TM9SF3: variants seen among roughly 807,000 people sequenced by gnomAD.
TM9SF3 encodes transmembrane 9 superfamily member 3, also known as SM-11044-binding protein.
TM9SF3 carries 14 observed loss-of-function variants against 78.6 expected under a neutral mutation model. The ratio of observed to expected loss-of-function variants is 0.18; its 90% CI spans 0.12 to 0.28. TM9SF3 has a LOEUF of 0.28. Ranked by LOEUF, TM9SF3 falls within the 10% of genes least tolerant of loss-of-function variation. The pLI is 1.00. For synonymous variants in TM9SF3, 231 were observed against 241.7 expected (o/e 0.96, Z 0.41); for missense variants, 496 against 721.9 (o/e 0.69, Z 3.59).
Position 96,569,474 on chromosome 10 carries a change from G to C in TM9SF3, c.299-4048C>G, listed in dbSNP as rs367851858. 2.0e-4 allele frequency among the ~76,000 whole-genome samples: 30 copies of C among 152,290 alleles called. No individual in the cohort carries two copies. The South Asian group carries it at 4.6e-3, about 23-fold the overall frequency. ...AACTGGAAAAACTGATATATTCACA[G>C]TTAATTAAATAACTATATAAAGAGT... On this transcript the variant is annotated intron_variant, in intron 2 of 14. Coordinates refer to ENST00000371142, the MANE Select transcript of TM9SF3 (RefSeq NM_020123.4).
intron 11 of TM9SF3, 57 bp from the exon 12 acceptor site, chr10:96,528,234 G>T: frequency 6.7e-7 from 1 of 1,488,418 alleles, no homozygotes; most frequent in South Asian, 1.4e-5. Flanking sequence ...AGCTCACTCT[G>T]CTCTTCGTGA....
rs1017950674 is a variant in TM9SF3, at chr10:96,586,791, C to CGCG, written c.42_44dup (p.Ala15dup). ...GCAGCAGCAGCAGCAGCAGCCACAG[C>CGCG]GCGGCGGCCGCCGCCACGCCAAGAG... is the stretch of plus-strand genomic sequence containing the variant. On this transcript the variant is annotated inframe_insertion, in exon 1 of 15. Coordinates refer to ENST00000371142, the MANE Select transcript of TM9SF3 (RefSeq NM_020123.4). 2.6e-5 allele frequency: 33 copies of CGCG among 1,281,510 alleles called. No homozygotes were observed. The highest frequency in any genetic ancestry group is 3.3e-5 in the Non-Finnish European group (33 of 1,012,088). The allele number at this position is 1,281,510 out of a possible 1,614,324, so 79.4% of individuals were successfully genotyped here.
rs1847740323 is a variant in TM9SF3, at chr10:96,519,685, C to T, written c.*2578G>A. 1 of 151,872 alleles carries T rather than the reference C, an allele frequency of 6.6e-6. No homozygotes were observed. Among genetic ancestry groups the T allele is most frequent in the African/African-American group, 2.4e-5 (1 of 41,392 alleles). The allele number at this position is 151,872 out of a possible 1,614,324, so 9.4% of individuals were successfully genotyped here. A position where few individuals can be genotyped will look rare whatever the true frequency, so the allele number is the denominator to read the frequency against. ...CATTAGTGGGGGTATAAAAACCTCA[C>T]CTTTCAATTAACTTGAATAATGTTC... On this transcript the variant is annotated 3_prime_UTR_variant, in exon 15 of 15. Coordinates refer to ENST00000371142, the MANE Select transcript of TM9SF3 (RefSeq NM_020123.4).
intron 5 of TM9SF3, among the ~76,000 whole-genome samples, chr10:96,559,241 ACTCT>A (rs750498626): frequency 6.6e-6 from 1 of 151,950 alleles, no homozygotes; most frequent in South Asian, 2.1e-4. Context: ...CCTATAATAT[ACTCT>A]CTGAGTGTGT....
At chr10:96,559,063 C>G (rs7071224) in intron 5 of TM9SF3, among the ~76,000 whole-genome samples, 32,500 of 152,018 alleles carry the variant, frequency 0.21, 3,922 homozygotes, top group Admixed American at 0.31. Flanking sequence ...GGCTGGGGAA[C>G]TGGGAGGCCA....
intron 2 of TM9SF3, among the ~76,000 whole-genome samples, chr10:96,568,160 C>G (rs1308392925): frequency 2.0e-5 from 3 of 152,180 alleles, no homozygotes; most frequent in African/African-American, 7.2e-5. Flanking sequence ...TCACAAATAA[C>G]TGAAGAGTCT....
rs537282257 is a variant in TM9SF3 at position 96,566,665 on chromosome 10, T to C, written c.299-1239A>G. On this transcript the variant is annotated intron_variant, in intron 2 of 14. Coordinates refer to ENST00000371142, the MANE Select transcript of TM9SF3 (RefSeq NM_020123.4). ...AAGCCCTCCTAGGCAGTAAGGAATT[T>C]AGGATTTTCATGATGGCAAAAACAA... 6.1e-4 allele frequency among the ~76,000 whole-genome samples: 93 copies of C among 152,204 alleles called. 2 individuals are homozygous for C. Among genetic ancestry groups the C allele is most frequent in the Admixed American group, 1.3e-3 (20 of 15,298 alleles).
At chr10:96,561,382 T>C (rs1160879913) in intron 4 of TM9SF3, among the ~76,000 whole-genome samples, 2 of 152,170 alleles carry the variant, frequency 1.3e-5, no homozygotes, top group Non-Finnish European at 2.9e-5. Flanking sequence ...TTGAAAAACT[T>C]TCAAAATTGA....
At chr10:96,574,910 C>T (rs773050955) in intron 2 of TM9SF3, among the ~76,000 whole-genome samples, 5 of 152,184 alleles carry the variant, frequency 3.3e-5, no homozygotes, top group African/African-American at 9.6e-5. Context: ...ACATCACACA[C>T]CCGGCCCTGT....
At position 96,565,425 on chromosome 10, in the gene TM9SF3, A is replaced by G; in HGVS notation, c.300T>C (p.Asp100=). 1 of 1,543,492 alleles carries G rather than the reference A, an allele frequency of 6.5e-7. No individual in the cohort carries two copies. The highest frequency in any genetic ancestry group is 2.4e-5 in the Admixed American group (1 of 41,934). The change falls in exon 3 of 15, where the codon GAT becomes GAC. Residue 100 remains aspartate (D), a splice_region_variant and synonymous_variant. Transcript: ENST00000371142. ...EFSGLDIKFK[D]DVMPATYCEI... ...CACAGTAAGTGGCTGGCATCACATC[A>G]TCTGCACAAAATAAAAATTGCAAAT...
Position 96,540,497 on chromosome 10 carries a change from C to T in TM9SF3, c.1185+3579G>A, listed in dbSNP as rs188985901. On this transcript the variant is annotated intron_variant, in intron 9 of 14. Coordinates refer to ENST00000371142, the MANE Select transcript of TM9SF3 (RefSeq NM_020123.4). ...CTGGGTACTCCTGTACAATCAACTG[C>T]CTTGCGTATCTTAGGCTTCACTTCC... is the stretch of plus-strand genomic sequence containing the variant. 1.4e-4 allele frequency among the ~76,000 whole-genome samples: 21 copies of T among 152,222 alleles called. No individual in the cohort carries two copies. The East Asian group carries it at 3.3e-3, about 24-fold the overall frequency.
rs756617225 is a variant in TM9SF3 at position 96,547,885 on chromosome 10, C to T, written c.1054+10G>A. The T allele has an allele frequency of 1.5e-5, 24 of 1,592,266 alleles. No individual in the cohort carries two copies. Among genetic ancestry groups the T allele is most frequent in the Middle Eastern group, 1.7e-4 (1 of 5,950 alleles). On this transcript the variant is annotated intron_variant, in intron 8 of 14. Transcript: ENST00000371142. Reference sequence around the variant, plus strand: ...TAATTAACAACATGAAGTGAGAATTCGTAAGTTACCTCCTTGTCTAGCATA... The same window carrying T: ...TAATTAACAACATGAAGTGAGAATTTGTAAGTTACCTCCTTGTCTAGCATA...
intron 2 of TM9SF3, among the ~76,000 whole-genome samples, chr10:96,575,217 A>G: frequency 6.6e-6 from 1 of 152,218 alleles, no homozygotes. Flanking sequence ...TTAATAAACT[A>G]GAAATGCACA....
intron 2 of TM9SF3, 25 bp downstream of exon 2, chr10:96,576,609 G>GT (rs1363022381): frequency 7.1e-6 from 11 of 1,541,936 alleles, no homozygotes; most frequent in African/African-American, 1.4e-5. Context: ...AAATTGCATT[G>GT]TAAGGACTAT....
At chr10:96,573,344 A>G (rs533282147) in intron 2 of TM9SF3, among the ~76,000 whole-genome samples, 18 of 152,282 alleles carry the variant, frequency 1.2e-4, no homozygotes, top group Non-Finnish European at 2.1e-4. Context: ...GTGACAACCT[A>G]CAACACTTTT....
At chr10:96,530,753 A>C in intron 10 of TM9SF3, 145 bp from the exon 11 acceptor site, 2 of 636,874 alleles carry the variant, frequency 3.1e-6, no homozygotes, top group Non-Finnish European at 2.6e-6. Flanking sequence ...CCAAAACCCA[A>C]AGAGGCACAA....
At chr10:96,577,418 C>A (rs1233746663) in intron 1 of TM9SF3, 2 of 152,160 alleles carry the variant, frequency 1.3e-5, no homozygotes, top group African/African-American at 4.8e-5. Context: ...GAAAGACATG[C>A]ACTATATGCA....
Position 96,580,885 on chromosome 10 carries a change from A to G in TM9SF3, c.103-4056T>C, listed in dbSNP as rs147450410. Among the ~76,000 whole-genome samples, 460 of 152,290 alleles carry G rather than the reference A, an allele frequency of 3.0e-3. 4 individuals carry two copies. Among genetic ancestry groups the G allele is most frequent in the African/African-American group, 0.011 (449 of 41,552 alleles). On this transcript the variant is annotated intron_variant, in intron 1 of 14. Coordinates refer to ENST00000371142, the MANE Select transcript of TM9SF3 (RefSeq NM_020123.4). ...ACAGACTAAAAACAAAAACAAAACT[A>G]AAGAACAGAGATGTTAAGTAATTTG...
intron 11 of TM9SF3, among the ~76,000 whole-genome samples, chr10:96,530,080 TAC>T (rs1291729466): frequency 1.3e-5 from 2 of 152,192 alleles, no homozygotes; most frequent in Non-Finnish European, 2.9e-5. Context: ...TCTAAATACA[TAC>T]ACACTTCCTA....
Sources: allele counts gnomAD v4.1 joint callset (sites outside exome capture counted in the v4.1 genomes callset), GRCh38; gene constraint gnomAD v4.1.1; transcripts MANE v1.5; gene names NCBI Gene and HGNC (gene_info 2026-07-23, HGNC 2026-07-21).